Variants in FAT3 observed in about 807,000 individuals in gnomAD.
FAT3 encodes the protein FAT atypical cadherin 3, also known as protocadherin Fat 3.
Under a neutral mutation model 310.2 loss-of-function variants are expected in FAT3, and 95 were observed. The ratio of observed to expected loss-of-function variants is 0.31; its 90% CI spans 0.26 to 0.36. The LOEUF is 0.36. Among genes scored for constraint, FAT3 ranks in the 10% least tolerant of loss-of-function variants. The pLI, the probability that FAT3 is intolerant of heterozygous loss-of-function variation, is 1.00. For synonymous variants in FAT3, 2,314 were observed against 2,192.9 expected, an observed-to-expected ratio of 1.06 and a Z score of -1.54; for missense variants, 5,408 against 5,715.6, an observed-to-expected ratio of 0.95 and a Z score of 1.74.
intron 1 of FAT3, among the ~76,000 whole-genome samples, chr11:92,228,284 T>A (rs1039875602): frequency 1.3e-5 from 2 of 152,182 alleles, no homozygotes; most frequent in African/African-American, 4.8e-5. Flanking sequence ...TCAAATTTTA[T>A]TTATTCTGGT....
intron 24 of FAT3, among the ~76,000 whole-genome samples, chr11:92,886,065 A>G (rs1949790329): frequency 6.6e-6 from 1 of 152,144 alleles, no homozygotes; most frequent in Admixed American, 6.5e-5. Context: ...TTACATGATG[A>G]TTTGCAGCTC....
At chr11:92,881,532 G>A (rs893868706) in intron 23 of FAT3, among the ~76,000 whole-genome samples, 18 of 152,130 alleles carry the variant, frequency 1.2e-4, no homozygotes, top group African/African-American at 3.9e-4. Flanking sequence ...TTGAATCGTT[G>A]GATGTAATTT....
In FAT3 at chr11:92,605,874, G is replaced by A. The variant is rs938902997; in HGVS notation, c.3607+80926G>A. On this transcript the variant is annotated intron_variant, in intron 3 of 27. Transcript: ENST00000525166. ...GTGACGGATGTGTAATACTCCTGGC[G>A]AGGGCCCCTTTGCCAGATTGCTTGC... 3.3e-5 allele frequency among the ~76,000 whole-genome samples: 5 copies of A among 152,044 alleles called. No individual in the cohort carries two copies. The East Asian group carries it at 5.8e-4, about 18-fold the overall frequency.
chr11:92,296,875 C>T (rs1486577428), intron 1 of FAT3, among the ~76,000 whole-genome samples: 1 of 152,062 alleles, frequency 6.6e-6, no homozygotes, highest in Non-Finnish European at 1.5e-5. Flanking sequence ...TCTTCCTGGA[C>T]TTGAATGTAC....
chr11:92,809,993 C>T lies in FAT3; in HGVS notation c.9398C>T (p.Ser3133Phe). Reference sequence around the variant, plus strand: ...AATGATAACCCCCCTGTGTTTTCTTCTGACCACTACAACACCTGTGTCTAT... The same window carrying T: ...AATGATAACCCCCCTGTGTTTTCTTTTGACCACTACAACACCTGTGTCTAT... ...DVNDNPPVFS[S>F]DHYNTCVYEN... The change falls in exon 13 of 28, where the codon TCT (serine) becomes TTT (phenylalanine). Residue 3133 changes from serine (S) to phenylalanine (F), a missense_variant. This residue lies in a region of FAT3 where 4,588 missense variants were observed against 4,809.8 expected (regional missense o/e 0.95). Transcript: ENST00000525166. The T allele has an allele frequency of 6.2e-7, 1 of 1,613,978 alleles. No individual in the cohort carries two copies. Among genetic ancestry groups the T allele is most frequent in the Non-Finnish European group, 8.5e-7 (1 of 1,179,876 alleles).
In FAT3 at chr11:92,891,446, G is replaced by A. The variant is rs1266836647; in HGVS notation, c.*333G>A. The A allele has an allele frequency of 2.9e-6, 1 of 340,930 alleles. No individual in the cohort carries two copies. The highest frequency in any genetic ancestry group is 5.6e-6 in the Non-Finnish European group (1 of 178,658). 21.1% of individuals were successfully genotyped at this position (340,930 alleles called of 1,614,324 possible). On this transcript the variant is annotated 3_prime_UTR_variant, in exon 28 of 28. Transcript: ENST00000525166. The stretch of plus-strand genomic sequence containing the variant: ...TGGCTTTGTGCAGTATTGTGCCCTG[G>A]AAAGTGTTACAGCATCAGTCCTTGC...
chr11:92,270,078 A>G (rs1946082060), intron 1 of FAT3, among the ~76,000 whole-genome samples: 1 of 152,164 alleles, frequency 6.6e-6, no homozygotes, highest in African/African-American at 2.4e-5. Flanking sequence ...CAGGTGATTG[A>G]TGACATCTTG....
intron 2 of FAT3, among the ~76,000 whole-genome samples, chr11:92,357,611 C>CATAGGAAAA (rs1948767452): frequency 6.6e-6 from 1 of 151,944 alleles, no homozygotes; most frequent in Admixed American, 6.6e-5. Flanking sequence ...ATAGGTAGGT[C>CATAGGAAAA]ATAGGAAAAG....
intron 3 of FAT3, among the ~76,000 whole-genome samples, chr11:92,566,235 A>C (rs1435992497): frequency 6.6e-6 from 1 of 152,184 alleles, no homozygotes; most frequent in African/African-American, 2.4e-5. Flanking sequence ...ATTCTTATAC[A>C]CCAATAACAG....
At chr11:92,388,476 G>A (rs1949676583) in intron 2 of FAT3, among the ~76,000 whole-genome samples, 1 of 152,188 alleles carries the variant, frequency 6.6e-6, no homozygotes, top group Admixed American at 6.5e-5. Flanking sequence ...AAAAGATGAA[G>A]ACATGGCTAT....
intron 3 of FAT3, among the ~76,000 whole-genome samples, chr11:92,668,652 G>T (rs1348887312): frequency 6.6e-6 from 1 of 152,138 alleles, no homozygotes; most frequent in Non-Finnish European, 1.5e-5. Flanking sequence ...ATACCTTCCT[G>T]CAGGACCTTC....
chr11:92,594,220 A>G (rs112985285), intron 3 of FAT3, among the ~76,000 whole-genome samples: 43 of 152,324 alleles, frequency 2.8e-4, no homozygotes, highest in African/African-American at 1.0e-3. Flanking sequence ...AGGCCGGCAG[A>G]TCACCCAAGG....
At chr11:92,582,573 G>T (rs1938869935) in intron 3 of FAT3, among the ~76,000 whole-genome samples, 1 of 151,974 alleles carries the variant, frequency 6.6e-6, no homozygotes, top group East Asian at 1.9e-4. Context: ...TTATAGATAA[G>T]GAAACTGAGG....
At chr11:92,477,927 T>C (rs1565347439) in intron 2 of FAT3, among the ~76,000 whole-genome samples, 1 of 152,172 alleles carries the variant, frequency 6.6e-6, no homozygotes, top group Non-Finnish European at 1.5e-5. Flanking sequence ...ACTGTGTGCA[T>C]GTTAGAAGTC....
At chr11:92,319,711 A>G (rs1479701720) in intron 1 of FAT3, among the ~76,000 whole-genome samples, 1 of 152,190 alleles carries the variant, frequency 6.6e-6, no homozygotes, top group Middle Eastern at 3.2e-3. Context: ...ACAGTTTTGT[A>G]GATGCATGTT....
intron 1 of FAT3, among the ~76,000 whole-genome samples, chr11:92,264,118 C>G (rs1451167299): frequency 6.6e-6 from 1 of 152,100 alleles, no homozygotes; most frequent in Non-Finnish European, 1.5e-5. Context: ...GCCTCTTCTA[C>G]TTTGTGCATT....
chr11:92,893,474 C>T lies in FAT3; in HGVS notation c.*2361C>T, dbSNP rs1949960148. On this transcript the variant is annotated 3_prime_UTR_variant, in exon 28 of 28. Coordinates refer to ENST00000525166, the MANE Select transcript of FAT3 (RefSeq NM_001367949.2). ...AACCATCAAAGTAAAACCAACATGT[C>T]ATTTCCTGCCCCCAGGAAATATTAG... 6.6e-6 allele frequency: 1 copy of T among 152,202 alleles called. No homozygotes were observed. Among genetic ancestry groups the T allele is most frequent in the Non-Finnish European group, 1.5e-5 (1 of 68,044 alleles). 9.4% of individuals were successfully genotyped at this position (152,202 alleles called of 1,614,324 possible).
chr11:92,332,858 C>A (rs902566144), intron 1 of FAT3, among the ~76,000 whole-genome samples: 9 of 152,124 alleles, frequency 5.9e-5, no homozygotes, highest in African/African-American at 2.2e-4. Context: ...TGCTCTGTGT[C>A]CTCATAGCCC....
intron 2 of FAT3, among the ~76,000 whole-genome samples, chr11:92,431,527 T>G (rs1950777768): frequency 6.6e-6 from 1 of 152,184 alleles, no homozygotes; most frequent in Admixed American, 6.5e-5. Flanking sequence ...TAGATCCCAT[T>G]TGTCAATTTT....
Sources: gnomAD v4.1 joint callset for allele counts (sites outside exome capture counted in the v4.1 genomes callset) on GRCh38, gnomAD v4.1.1 for gene constraint, gnomAD v4.1.1 regional missense constraint, MANE v1.5 for transcripts, NCBI Gene and HGNC (gene_info 2026-07-23, HGNC 2026-07-21) for gene names.